Variants in CHD2 observed in about 807,000 individuals in gnomAD.
The protein encoded by CHD2 is chromodomain helicase DNA binding protein 2.
A neutral mutation model predicts 243.9 loss-of-function variants in CHD2; 28 were observed. That is an observed-to-expected ratio of 0.11 (90% CI 0.09 to 0.16). The LOEUF (loss-of-function observed/expected upper bound fraction) is 0.16, where lower values mean the gene tolerates loss of function less well. Ranked by LOEUF, CHD2 falls within the 10% of genes least tolerant of loss-of-function variation. The pLI is 1.00. For synonymous variants in CHD2, 775 were observed against 779.0 expected (o/e 0.99, Z 0.09); for missense variants, 1,386 against 2,209.8 (o/e 0.63, Z 7.47).
intron 32 of CHD2, among the ~76,000 whole-genome samples, chr15:93,000,927 G>A (rs1297101922): frequency 6.6e-6 from 1 of 152,232 alleles, no homozygotes; most frequent in Non-Finnish European, 1.5e-5. Context: ...GGAGTGCAAT[G>A]GCACAATCCT....
In CHD2 at chr15:93,015,306, C is replaced by T. The variant is rs530102921; in HGVS notation, c.4906+397C>T. 1.1e-3 allele frequency among the ~76,000 whole-genome samples: 160 copies of T among 152,232 alleles called. 1 individual carries two copies. Among genetic ancestry groups the T allele is most frequent in the Middle Eastern group, 6.8e-3 (2 of 294 alleles). ...GTTGGCCAGGCTGGTCTCAAACTCC[C>T]GGCGCCATGTGATCTGCCCACCTCA... On this transcript the variant is annotated intron_variant, in intron 37 of 38. Transcript: ENST00000394196.
At chr15:92,972,051 T>C in intron 18 of CHD2, 124 bp downstream of exon 18, 2 of 1,141,120 alleles carry the variant, frequency 1.8e-6, no homozygotes, top group East Asian at 5.1e-5. Context: ...GCTTTAAAAA[T>C]GGGAGAGAAA....
intron 10 of CHD2, 165 bp from the exon 11 acceptor site, chr15:92,945,656 C>G (rs1380332195): frequency 2.6e-6 from 1 of 389,108 alleles, no homozygotes; most frequent in East Asian, 4.3e-5. Flanking sequence ...CCTTGGCCTC[C>G]CAAAGTGCTG....
At chr15:92,957,536 C>T (rs1256693168) in intron 16 of CHD2, among the ~76,000 whole-genome samples, 5 of 152,006 alleles carry the variant, frequency 3.3e-5, no homozygotes, top group Admixed American at 1.3e-4. Context: ...GTATGAAAAT[C>T]GCAGGGATTT....
chr15:92,900,440 C>T lies in CHD2; in HGVS notation c.-456C>T, dbSNP rs2052513372. ...AACTTTCGGGCAGCCTCAGGGGGCCCCCGTAGCCCCCTGCCTTTCCTAGGG... is the reference window on the plus strand; with the variant it reads ...AACTTTCGGGCAGCCTCAGGGGGCCTCCGTAGCCCCCTGCCTTTCCTAGGG... On this transcript the variant is annotated 5_prime_UTR_variant, in exon 1 of 39. Coordinates refer to ENST00000394196, the MANE Select transcript of CHD2 (RefSeq NM_001271.4). 1 of 396,804 alleles carries T rather than the reference C, an allele frequency of 2.5e-6. No individual in the cohort carries two copies. Among genetic ancestry groups the T allele is most frequent in the Non-Finnish European group, 4.4e-6 (1 of 225,012 alleles). The allele number at this position is 396,804 out of a possible 1,614,324, so 24.6% of individuals were successfully genotyped here.
intron 10 of CHD2, chr15:92,945,350 T>A (rs1460697185): frequency 1.3e-5 from 2 of 152,314 alleles, no homozygotes; most frequent in African/African-American, 4.8e-5. Flanking sequence ...AGTGTCAGCC[T>A]GAGAGAGAGA....
intron 4 of CHD2, among the ~76,000 whole-genome samples, chr15:92,927,878 G>A (rs2053092920): frequency 6.6e-6 from 1 of 152,142 alleles, no homozygotes; most frequent in African/African-American, 2.4e-5. Context: ...ATTGATCAGT[G>A]ATTTTTTTAA....
At position 92,992,989 on chromosome 15, in the gene CHD2, G is replaced by A. The variant is rs561941628; in HGVS notation, c.3586G>A (p.Ala1196Thr). The A allele has an allele frequency of 1.2e-6, 2 of 1,613,636 alleles. No individual in the cohort carries two copies. Among genetic ancestry groups the A allele is most frequent in the Admixed American group, 1.7e-5 (1 of 60,024 alleles). Residue 1196 changes from alanine (A) to threonine (T), a missense_variant, in exon 28 of 39, where the codon GCC (alanine) becomes ACC (threonine). Transcript: ENST00000394196. The part of the protein sequence containing the change: ...QEYEEQLKEN[A>T]SEGKGPGKRR... ...ATACGAAGAGCAGCTGAAAGAAAATGCCAGCGAGGGTAAGCGAAGTTGGCT... is the reference window on the plus strand; with the variant it reads ...ATACGAAGAGCAGCTGAAAGAAAATACCAGCGAGGGTAAGCGAAGTTGGCT...
chr15:92,911,234 C>T (rs1297479084), intron 2 of CHD2, among the ~76,000 whole-genome samples: 2 of 152,162 alleles, frequency 1.3e-5, no homozygotes, highest in Non-Finnish European at 1.5e-5. Context: ...ATACTACCTC[C>T]TAAGAATCTA....
chr15:92,991,199 G>T, intron 26 of CHD2: 1 of 328,038 alleles, frequency 3.0e-6, no homozygotes, highest in Non-Finnish European at 5.5e-6. Flanking sequence ...TTAGAGCTAA[G>T]TCACAGTTCT....
At position 92,998,695 on chromosome 15, in the gene CHD2, A is replaced by G. The variant is rs2054213990; in HGVS notation, c.4008+74A>G. ...CCTGCAGAATTAGGTAGGAAGAGAG[A>G]GGCCCTCTCTGAGCACTGCACAGAA... On this transcript the variant is annotated intron_variant, in intron 31 of 38. Coordinates refer to ENST00000394196, the MANE Select transcript of CHD2 (RefSeq NM_001271.4). This position sits in a 1 kb window ranked among gnomAD's most constrained non-coding sequence, Gnocchi z 5.1. The G allele has an allele frequency of 6.5e-7, 1 of 1,545,514 alleles. No homozygotes were observed. Among genetic ancestry groups the G allele is most frequent in the African/African-American group, 1.4e-5 (1 of 72,926 alleles).
intron 8 of CHD2, among the ~76,000 whole-genome samples, chr15:92,942,638 A>G (rs891250344): frequency 1.8e-4 from 20 of 109,252 alleles, no homozygotes; most frequent in African/African-American, 6.1e-4. Context: ...ATTTAGGAAT[A>G]TGTAAAAAGT....
At chr15:92,931,108 C>T (rs1244499579) in intron 5 of CHD2, among the ~76,000 whole-genome samples, 1 of 152,198 alleles carries the variant, frequency 6.6e-6, no homozygotes, top group Non-Finnish European at 1.5e-5. Context: ...GCAAGTGTAA[C>T]ATAACCTAAT....
rs549771690 is a variant in CHD2, at chr15:92,975,097, A to C, written c.2577+147A>C. 4.7e-6 allele frequency: 3 copies of C among 640,068 alleles called. No homozygotes were observed. In the South Asian group the frequency reaches 5.7e-5, roughly 12 times the overall value. 39.6% of individuals were successfully genotyped at this position (640,068 alleles called of 1,614,324 possible). ...GAAAATGAGAAATCTCTCATATAAAAGATGGTGTTTTGTTGTCACTCCAGA... is the reference window on the plus strand; with the variant it reads ...GAAAATGAGAAATCTCTCATATAAACGATGGTGTTTTGTTGTCACTCCAGA... On this transcript the variant is annotated intron_variant, in intron 20 of 38. Coordinates refer to ENST00000394196, the MANE Select transcript of CHD2 (RefSeq NM_001271.4).
At position 93,016,539 on chromosome 15, in the gene CHD2, T is replaced by C. The variant is rs74346310; in HGVS notation, c.4906+1630T>C. ...CATAATGTATATGTATTTTAAAACA[T>C]TGCATTGTAATCAATAAATACATAC... On this transcript the variant is annotated intron_variant, in intron 37 of 38. Transcript: ENST00000394196. Among the ~76,000 whole-genome samples, 1,274 of 152,298 alleles carry C rather than the reference T, an allele frequency of 8.4e-3. 57 individuals carry two copies. The highest frequency in any genetic ancestry group is 0.071 in the Admixed American group (1,091 of 15,294).
chr15:92,943,239 ATATTTT>A (rs1298101423), intron 9 of CHD2, 171 bp downstream of exon 9: 2 of 598,688 alleles, frequency 3.3e-6, no homozygotes, highest in Non-Finnish European at 2.9e-6. Context: ...TTCAGATACT[ATATTTT>A]TATATGTGGC....
At chr15:93,024,159 G>GTACA (rs370566984) in intron 38 of CHD2, among the ~76,000 whole-genome samples, 1 of 59,260 alleles carries the variant, frequency 1.7e-5, no homozygotes, top group East Asian at 8.9e-3. Context: ...TTTCAAGTGT[G>GTACA]TACTTGTGTC....
chr15:93,021,177 T>G (rs2141896650), intron 38 of CHD2: 1 of 152,376 alleles, frequency 6.6e-6, no homozygotes, highest in South Asian at 2.1e-4. Context: ...TAGTTTTTGC[T>G]GAGTGTATAC....
intron 28 of CHD2, 65 bp downstream of exon 28, chr15:92,993,063 A>C: frequency 6.3e-7 from 1 of 1,583,874 alleles, no homozygotes; most frequent in Non-Finnish European, 8.6e-7. Context: ...TTCTGTTGCT[A>C]AAGGGCGTTT....
Sources: allele counts gnomAD v4.1 joint callset (sites outside exome capture counted in the v4.1 genomes callset), GRCh38; gene constraint gnomAD v4.1.1; non-coding constraint Gnocchi (gnomAD v3.1); transcripts MANE v1.5; gene names NCBI Gene and HGNC (gene_info 2026-07-23, HGNC 2026-07-21).